PRSS23: variants seen among roughly 807,000 people sequenced by gnomAD.
PRSS23 encodes the protein protease, serine 23.
Under a neutral mutation model 34.7 loss-of-function variants are expected in PRSS23, and 25 were observed. The observed-to-expected ratio is 0.72, with a 90% CI of 0.53 to 1.01. The LOEUF (loss-of-function observed/expected upper bound fraction) is 1.01. Ranked by LOEUF, PRSS23 falls within the 50% of genes least tolerant of loss-of-function variation. The pLI is 0.00. For missense variants in PRSS23, 445 were observed against 475.6 expected (o/e 0.94, Z 0.60); for synonymous variants, 176 against 186.6 (o/e 0.94, Z 0.46).
chr11:86,873,258 A>ATATATATC (rs1948698621), intron 2 of PRSS23, among the ~76,000 whole-genome samples: 1 of 83,526 alleles, frequency 1.2e-5, no homozygotes, highest in Admixed American at 1.3e-4. Context: ...ATATATATGT[A>ATATATATC]TATATATATA....
chr11:86,952,624 A>G, exon 3 of PRSS23: 1 of 728,000 alleles, frequency 1.4e-6, no homozygotes, highest in Non-Finnish European at 2.3e-6. Flanking sequence ...CTCTGACCTC[A>G]AACAAGGGCG....
chr11:86,934,574 T>C (rs1949148784), intron 2 of PRSS23: 1 of 152,240 alleles, frequency 6.6e-6, no homozygotes, highest in African/African-American at 2.4e-5. Flanking sequence ...TTTAAGCTCC[T>C]GGAAGCAGAA....
chr11:86,922,430 G>A (rs562166893), intron 2 of PRSS23, among the ~76,000 whole-genome samples: 1 of 152,112 alleles, frequency 6.6e-6, no homozygotes, highest in South Asian at 2.1e-4. Context: ...GAGCCCAGGA[G>A]TTAGAGACCA....
At chr11:86,858,602 A>G (rs1948589852) in intron 2 of PRSS23, among the ~76,000 whole-genome samples, 1 of 151,366 alleles carries the variant, frequency 6.6e-6, no homozygotes, top group Non-Finnish European at 1.5e-5. Context: ...TTTAAGATCC[A>G]GGGGGGAGAG....
downstream of PRSS23, among the ~76,000 whole-genome samples, chr11:86,811,554 A>G (rs1565352731): frequency 6.6e-6 from 1 of 152,232 alleles, no homozygotes; most frequent in South Asian, 2.1e-4. Context: ...GTGTTTTTAA[A>G]AGGTGGGAAA....
intron 2 of PRSS23, among the ~76,000 whole-genome samples, chr11:86,842,127 C>T (rs1948453177): frequency 6.6e-6 from 1 of 152,224 alleles, no homozygotes; most frequent in Non-Finnish European, 1.5e-5. Flanking sequence ...GCTTGTTCAA[C>T]ATACACAAAT....
chr11:86,879,497 TG>T, intron 2 of PRSS23, among the ~76,000 whole-genome samples: 1 of 111,836 alleles, frequency 8.9e-6, no homozygotes, highest in Non-Finnish European at 1.9e-5. Context: ...GGGAGGGAGG[TG>T]GGGGGATCAG....
intron 1 of PRSS23, among the ~76,000 whole-genome samples, chr11:86,820,971 T>C (rs1948247480): frequency 6.6e-6 from 1 of 152,212 alleles, no homozygotes; most frequent in South Asian, 2.1e-4. Flanking sequence ...ATACAGCTTA[T>C]GAATAACTTA....
chr11:86,892,795 G>A (rs1948850238), intron 2 of PRSS23, among the ~76,000 whole-genome samples: 1 of 152,078 alleles, frequency 6.6e-6, no homozygotes, highest in African/African-American at 2.4e-5. Flanking sequence ...GAATCAGAGT[G>A]AAAAAGGTAC....
At chr11:86,880,170 A>C (rs1417122257) in intron 2 of PRSS23, among the ~76,000 whole-genome samples, 12 of 152,190 alleles carry the variant, frequency 7.9e-5, no homozygotes, top group Admixed American at 3.3e-4. Context: ...TCTCTGAAGC[A>C]TGTGCTGTGT....
In PRSS23 at chr11:86,842,306, A is replaced by G. The variant is rs1590889619; in HGVS notation, c.206+18713A>G. On this transcript the variant is annotated intron_variant, in intron 2 of 2. Transcript: ENST00000533902. ...CTCAAAATAATAAGAGCTATTTATGACAAACCCACAGCCAATATCATACTG... is the reference window on the plus strand; with the variant it reads ...CTCAAAATAATAAGAGCTATTTATGGCAAACCCACAGCCAATATCATACTG... Among the ~76,000 whole-genome samples the G allele has an allele frequency of 1.3e-5, 2 of 152,238 alleles. 1 individual carries two copies. The highest frequency in any genetic ancestry group is 4.1e-4 in the South Asian group (2 of 4,824).
intron 2 of PRSS23, among the ~76,000 whole-genome samples, chr11:86,841,351 A>AG (rs1413904010): frequency 8.2e-6 from 1 of 122,388 alleles, no homozygotes. Context: ...AAAAAAAAAA[A>AG]AGAAGAAGAA....
chr11:86,901,954 T>A (rs1381281199), intron 2 of PRSS23, among the ~76,000 whole-genome samples: 1 of 152,176 alleles, frequency 6.6e-6, no homozygotes, highest in Non-Finnish European at 1.5e-5. Flanking sequence ...GAAACTCATG[T>A]CTCTGTCTCT....
chr11:86,943,341 G>A (rs1220187703), intron 2 of PRSS23, among the ~76,000 whole-genome samples: 1 of 152,244 alleles, frequency 6.6e-6, no homozygotes, highest in Non-Finnish European at 1.5e-5. Flanking sequence ...GAAATCAGAG[G>A]AGGCTGGGTG....
intron 2 of PRSS23, among the ~76,000 whole-genome samples, chr11:86,856,324 TAAA>T (rs56199835): frequency 1.2e-4 from 18 of 145,896 alleles, no homozygotes; most frequent in Admixed American, 2.0e-4. Context: ...TCTGGTGCTT[TAAA>T]AAAAAAAAAA....
At chr11:86,843,229 T>C (rs1243763438) in intron 2 of PRSS23, among the ~76,000 whole-genome samples, 4 of 152,180 alleles carry the variant, frequency 2.6e-5, no homozygotes, top group Non-Finnish European at 5.9e-5. Flanking sequence ...TGTAGAAAGC[T>C]GAAACTGGAT....
intron 2 of PRSS23, among the ~76,000 whole-genome samples, chr11:86,944,550 G>A (rs1225581849): frequency 2.6e-5 from 4 of 152,224 alleles, no homozygotes; most frequent in Admixed American, 1.3e-4. Context: ...CCCTCTCTAC[G>A]TCTTGGCTTC....
At chr11:86,885,110 G>A (rs1289685944) in intron 2 of PRSS23, among the ~76,000 whole-genome samples, 1 of 152,068 alleles carries the variant, frequency 6.6e-6, no homozygotes, top group Non-Finnish European at 1.5e-5. Flanking sequence ...GTAAAGTTTG[G>A]CCTAAAATAA....
intron 2 of PRSS23, among the ~76,000 whole-genome samples, chr11:86,848,625 A>G (rs982281215): frequency 3.9e-5 from 6 of 152,164 alleles, no homozygotes; most frequent in African/African-American, 1.4e-4. Context: ...TGGAAGGCCA[A>G]CTTATTCTAA....
Sources: allele counts gnomAD v4.1 joint callset (sites outside exome capture counted in the v4.1 genomes callset), GRCh38; gene constraint gnomAD v4.1.1; transcripts MANE v1.5; gene names NCBI Gene and HGNC (gene_info 2026-07-23, HGNC 2026-07-21).